Variants in NCALD observed in about 807,000 individuals in gnomAD.
NCALD encodes neurocalcin-delta.
Under a neutral mutation model 18.6 loss-of-function variants are expected in NCALD, and 10 were observed. That is an observed-to-expected ratio of 0.54 (90% CI 0.33 to 0.91). The LOEUF (loss-of-function observed/expected upper bound fraction) is 0.91, where lower values mean the gene tolerates loss of function less well. Ranked by LOEUF, NCALD falls within the 40% of genes least tolerant of loss-of-function variation. NCALD has a pLI of 0.03. For missense variants in NCALD, 184 were observed against 247.6 expected (o/e 0.74, Z 1.72); for synonymous variants, 88 against 87.4 (o/e 1.01, Z -0.04).
At chr8:101,706,315 T>C (rs1047225908) in intron 2 of NCALD, among the ~76,000 whole-genome samples, 1 of 146,986 alleles carries the variant, frequency 6.8e-6, no homozygotes, top group Non-Finnish European at 1.5e-5. Flanking sequence ...AGTAAGACTA[T>C]TTAAAAAAAA....
At position 101,801,643 on chromosome 8, in the gene NCALD, C is replaced by CTTTTTT. The variant is rs71268530; in HGVS notation, c.-19-82001_-19-81996dup. ...TCTCTATGATTTACAAGCACACTTA[C>CTTTTTT]TTTTTTTTTTTTTTTTTTTTTTTTT... On this transcript the variant is annotated intron_variant, in intron 4 of 6. Transcript: ENST00000311028. Among the ~76,000 whole-genome samples the CTTTTTT allele has an allele frequency of 3.4e-3, 148 of 44,168 alleles. 55 individuals are homozygous for CTTTTTT. Among genetic ancestry groups the CTTTTTT allele is most frequent in the East Asian group, 9.2e-3 (10 of 1,082 alleles). 29.0% of individuals were successfully genotyped at this position (44,168 alleles called of 152,430 possible).
chr8:101,961,261 A>C (rs967749238), intron 2 of NCALD, among the ~76,000 whole-genome samples: 1 of 152,190 alleles, frequency 6.6e-6, no homozygotes, highest in African/African-American at 2.4e-5. Flanking sequence ...ATAAGTCAAT[A>C]ACATTGTGGT....
chr8:101,747,108 C>G (rs1810457727), intron 1 of NCALD, among the ~76,000 whole-genome samples: 1 of 152,188 alleles, frequency 6.6e-6, no homozygotes, highest in African/African-American at 2.4e-5. Context: ...TGGAAAGTTC[C>G]CGTGGCACAC....
chr8:101,798,483 A>G (rs1212040818), intron 4 of NCALD, among the ~76,000 whole-genome samples: 1 of 152,212 alleles, frequency 6.6e-6, no homozygotes, highest in Non-Finnish European at 1.5e-5. Context: ...GAAAACTACA[A>G]AATGCCAATG....
chr8:101,807,272 G>A (rs1813139486), intron 4 of NCALD, among the ~76,000 whole-genome samples: 2 of 151,894 alleles, frequency 1.3e-5, no homozygotes, highest in Non-Finnish European at 2.9e-5. Context: ...TTCTTCTCTT[G>A]GCTCATTAAA....
intron 1 of NCALD, among the ~76,000 whole-genome samples, chr8:101,727,518 C>G (rs1449112895): frequency 6.6e-6 from 1 of 152,180 alleles, no homozygotes; most frequent in Non-Finnish European, 1.5e-5. Flanking sequence ...AGCTGGAGTG[C>G]AGTACCTATT....
intron 4 of NCALD, among the ~76,000 whole-genome samples, chr8:101,850,519 G>A (rs1478498619): frequency 6.6e-6 from 1 of 152,122 alleles, no homozygotes; most frequent in Non-Finnish European, 1.5e-5. Context: ...GAAAGAAAAG[G>A]ATCTGCAAAT....
chr8:101,821,950 G>C (rs1445807360), intron 4 of NCALD, among the ~76,000 whole-genome samples: 1 of 151,274 alleles, frequency 6.6e-6, no homozygotes, highest in Non-Finnish European at 1.5e-5. Context: ...ATGCTGGCTG[G>C]ATGGAAAGTG....
At chr8:101,788,772 A>G (rs533324379) in intron 1 of NCALD, 17 of 152,358 alleles carry the variant, frequency 1.1e-4, no homozygotes, top group African/African-American at 4.1e-4. Context: ...CCAGGTTTCT[A>G]GAGTACCTCG....
At position 102,016,689 on chromosome 8, in the gene NCALD, C is replaced by T. The variant is rs992691732; in HGVS notation, c.-157+3548G>A. 3.9e-5 allele frequency among the ~76,000 whole-genome samples: 6 copies of T among 152,124 alleles called. No homozygotes were observed. The South Asian group carries it at 1.2e-3, about 32-fold the overall frequency. On this transcript the variant is annotated intron_variant, in intron 2 of 6. Coordinates refer to the NCALD transcript ENST00000311028. ...TAACTACTAATAAGATTGACTCAAC[C>T]CTTCATATCAACAATCTTACAGAAG...
At chr8:101,732,182 T>C (rs1020193622) in intron 1 of NCALD, among the ~76,000 whole-genome samples, 4 of 152,218 alleles carry the variant, frequency 2.6e-5, no homozygotes, top group Middle Eastern at 3.2e-3. Flanking sequence ...TCCGCTTAAC[T>C]AGGGTACTAA....
At chr8:101,958,276 G>A (rs1819708690) in intron 2 of NCALD, among the ~76,000 whole-genome samples, 1 of 152,162 alleles carries the variant, frequency 6.6e-6, no homozygotes, top group African/African-American at 2.4e-5. Flanking sequence ...ATTACATCTA[G>A]TTGGCCAAGG....
chr8:101,852,510 G>A lies in NCALD; in HGVS notation c.-20+34631C>T, dbSNP rs1028398617. The stretch of plus-strand genomic sequence containing the variant: ...TCTCCAGAACAATGGAGGCCAGGGC[G>A]AGTGACTCACTGCCATTCAGTCTCC... On this transcript the variant is annotated intron_variant, in intron 4 of 6. Coordinates refer to the NCALD transcript ENST00000311028. 4.4e-4 allele frequency: 67 copies of A among 152,308 alleles called. 1 individual carries two copies. Among genetic ancestry groups the A allele is most frequent in the African/African-American group, 1.4e-3 (58 of 41,560 alleles). The allele number at this position is 152,308 out of a possible 1,614,324, so 9.4% of individuals were successfully genotyped here.
intron 2 of NCALD, among the ~76,000 whole-genome samples, chr8:101,988,120 G>A (rs1019519067): frequency 2.7e-5 from 4 of 146,976 alleles, no homozygotes; most frequent in Admixed American, 6.8e-5. Context: ...GCGCCACTGC[G>A]GTCCGGCCTG....
intron 1 of NCALD, among the ~76,000 whole-genome samples, chr8:102,051,442 A>G (rs1823456422): frequency 1.3e-5 from 2 of 152,144 alleles, no homozygotes; most frequent in Admixed American, 6.5e-5. Context: ...CCCCAAAGCA[A>G]TTCTCACAGT....
intron 1 of NCALD, among the ~76,000 whole-genome samples, chr8:101,764,316 G>GGAGGAAGCC (rs371880401): frequency 1.4e-3 from 210 of 152,304 alleles, no homozygotes; most frequent in African/African-American, 4.8e-3. Context: ...TGTCGAGATA[G>GGAGGAAGCC]GAGGAAGCCA....
intron 4 of NCALD, among the ~76,000 whole-genome samples, chr8:101,880,084 G>T (rs376973094): frequency 6.6e-6 from 1 of 151,666 alleles, no homozygotes; most frequent in Non-Finnish European, 1.5e-5. Context: ...GTGTGGGGGG[G>T]AGGGGGGGCG....
At chr8:102,119,992 G>A (rs952585001) in intron 1 of NCALD, among the ~76,000 whole-genome samples, 3 of 152,194 alleles carry the variant, frequency 2.0e-5, no homozygotes, top group Non-Finnish European at 4.4e-5. Context: ...ATACTTGCAG[G>A]AATAGAGAGG....
chr8:101,692,778 C>A lies in NCALD; in HGVS notation c.484+13G>T. 1.2e-6 allele frequency: 2 copies of A among 1,603,988 alleles called. No individual in the cohort carries two copies. Among genetic ancestry groups the A allele is most frequent in the South Asian group, 1.1e-5 (1 of 90,856 alleles). ...CCCCATCTGAGCAAAGCAGTGTAGC[C>A]CCCGCCTCCTACCGTCTCTATTGGT... On this transcript the variant is annotated intron_variant, in intron 3 of 3. Coordinates refer to ENST00000220931, the MANE Select transcript of NCALD (RefSeq NM_032041.3).
Sources: gnomAD v4.1 joint callset for allele counts (sites outside exome capture counted in the v4.1 genomes callset) on GRCh38, gnomAD v4.1.1 for gene constraint, MANE v1.5 for transcripts, NCBI Gene and HGNC (gene_info 2026-07-23, HGNC 2026-07-21) for gene names.